The following LRRC37A2 variants were observed in gnomAD, a reference collection of about 807,000 sequenced individuals.
The protein encoded by LRRC37A2 is leucine-rich repeat-containing protein 37A2.
Under a neutral mutation model 68.8 loss-of-function variants are expected in LRRC37A2, and 9 were observed. That is an observed-to-expected ratio of 0.13 (90% CI 0.08 to 0.23). The LOEUF (loss-of-function observed/expected upper bound fraction) is 0.23. LRRC37A2 is among the 10% of genes least tolerant of loss of function. The pLI is 1.00. For missense variants in LRRC37A2, 168 were observed against 950.4 expected (o/e 0.18, Z 10.82); for synonymous variants, 63 against 367.6 (o/e 0.17, Z 9.48).
At chr17:46,726,299 C>A in the LRRC37A2 span, among the ~76,000 whole-genome samples, 8 of 152,188 alleles carry the variant, frequency 5.3e-5, no homozygotes, top group Non-Finnish European at 8.8e-5. Context: ...TGGGATGTGT[C>A]AGTTGATTAA....
At chr17:46,843,802 G>A in the LRRC37A2 span, among the ~76,000 whole-genome samples, 94 of 152,312 alleles carry the variant, frequency 6.2e-4, no homozygotes, top group African/African-American at 2.2e-3. Flanking sequence ...AGATATGTCA[G>A]AATGCTCTCT....
the LRRC37A2 span, among the ~76,000 whole-genome samples, chr17:46,890,272 C>T: frequency 6.6e-6 from 1 of 152,212 alleles, no homozygotes; most frequent in African/African-American, 2.4e-5. Flanking sequence ...CCAACTCTGC[C>T]TAAAGTGCTC....
chr17:46,810,845 C>A, the LRRC37A2 span, among the ~76,000 whole-genome samples: 1 of 152,120 alleles, frequency 6.6e-6, no homozygotes, highest in African/African-American at 2.4e-5. Context: ...AGGAAGTTGC[C>A]TAATATCAAG....
At chr17:46,721,275 C>A in the LRRC37A2 span, among the ~76,000 whole-genome samples, 17 of 152,164 alleles carry the variant, frequency 1.1e-4, no homozygotes. Flanking sequence ...TCATTATGTG[C>A]ACAGGTGGAC....
At chr17:46,928,785 CAT>C in the LRRC37A2 span, among the ~76,000 whole-genome samples, 4 of 152,204 alleles carry the variant, frequency 2.6e-5, no homozygotes, top group Admixed American at 1.3e-4. Flanking sequence ...TTGTAATCCA[CAT>C]GTCTTGAATG....
chr17:46,721,481 T>C, the LRRC37A2 span: 4 of 737,162 alleles, frequency 5.4e-6, no homozygotes, highest in South Asian at 3.2e-5. Flanking sequence ...ATGTTGATAA[T>C]TTTACCTGTT....
chr17:46,896,194 T>C, the LRRC37A2 span, among the ~76,000 whole-genome samples: 264 of 151,786 alleles, frequency 1.7e-3, 1 homozygote, highest in African/African-American at 6.2e-3. Flanking sequence ...CTCGGGAGGC[T>C]GAGGCAGCAG....
the LRRC37A2 span, among the ~76,000 whole-genome samples, chr17:46,816,274 A>G: frequency 6.6e-6 from 1 of 151,900 alleles, no homozygotes; most frequent in Admixed American, 6.6e-5. Flanking sequence ...ACACATGTAC[A>G]TACACACATC....
At chr17:46,979,168 C>T in the LRRC37A2 span, 3 of 764,552 alleles carry the variant, frequency 3.9e-6, no homozygotes, top group Non-Finnish European at 5.6e-6. Flanking sequence ...TCTCGGGCCG[C>T]CTACCCCTGG....
At chr17:46,695,061 A>C in the LRRC37A2 span, among the ~76,000 whole-genome samples, 1 of 94,524 alleles carries the variant, frequency 1.1e-5, no homozygotes, top group Non-Finnish European at 2.1e-5. Flanking sequence ...CCTGGCTAAC[A>C]CGGTGAAACC....
At chr17:47,017,938 T>A in the LRRC37A2 span, 1 of 1,608,344 alleles carries the variant, frequency 6.2e-7, no homozygotes, top group Non-Finnish European at 8.5e-7. Flanking sequence ...CTTCCACAGC[T>A]CCTTGAGGAA....
the LRRC37A2 span, chr17:46,764,231 C>T: frequency 6.6e-6 from 1 of 152,634 alleles, no homozygotes. Context: ...GGAAACAGAA[C>T]CTTGCCCATG....
chr17:46,817,317 C>G, the LRRC37A2 span, among the ~76,000 whole-genome samples: 1 of 152,200 alleles, frequency 6.6e-6, no homozygotes, highest in Non-Finnish European at 1.5e-5. Context: ...GACTTTCACC[C>G]CGGGGGCCAC....
chr17:46,941,752 T>C, the LRRC37A2 span: 658 of 177,584 alleles, frequency 3.7e-3, 3 homozygotes, highest in Non-Finnish European at 5.1e-3. Context: ...TTTTTTTTTT[T>C]TTTTGTATTT....
At chr17:47,013,462 T>G in the LRRC37A2 span, among the ~76,000 whole-genome samples, 1 of 152,240 alleles carries the variant, frequency 6.6e-6, no homozygotes, top group Admixed American at 6.5e-5. Flanking sequence ...ATCCATACTT[T>G]GAGCATTTTT....
the LRRC37A2 span, chr17:46,931,246 C>A: frequency 1.1e-6 from 1 of 947,840 alleles, no homozygotes; most frequent in Non-Finnish European, 1.7e-6. Flanking sequence ...ATACTCCAGG[C>A]CCATCAAGAC....
chr17:46,836,095 CGT>C, the LRRC37A2 span, among the ~76,000 whole-genome samples: 5,162 of 126,322 alleles, frequency 0.041, 146 homozygotes, highest in African/African-American at 0.095. Context: ...GAGACGCTGA[CGT>C]GTGTGTGTGT....
the LRRC37A2 span, among the ~76,000 whole-genome samples, chr17:46,575,297 T>C: frequency 6.7e-6 from 1 of 148,858 alleles, no homozygotes; most frequent in African/African-American, 2.5e-5. Context: ...TAAAACACAG[T>C]GCTGGTTCAC....
At chr17:46,914,887 A>G in the LRRC37A2 span, among the ~76,000 whole-genome samples, 1 of 152,072 alleles carries the variant, frequency 6.6e-6, no homozygotes, top group Admixed American at 6.6e-5. Context: ...ATTCAAAGGG[A>G]TCTTTCTTTC....
Sources: allele counts gnomAD v4.1 joint callset (sites outside exome capture counted in the v4.1 genomes callset), GRCh38; gene constraint gnomAD v4.1.1; transcripts MANE v1.5; gene names NCBI Gene and HGNC (gene_info 2026-07-23, HGNC 2026-07-21).